Variants in MEI4 observed in about 807,000 individuals in gnomAD.
MEI4 encodes meiotic double-stranded break formation protein 4.
Under a neutral mutation model 31.4 loss-of-function variants are expected in MEI4, and 27 were observed. That is an observed-to-expected ratio of 0.86 (90% CI 0.63 to 1.19). MEI4 has a LOEUF of 1.19. Ranked by LOEUF, MEI4 falls within the 50% of genes most tolerant of loss-of-function variation. The pLI, the probability that MEI4 is intolerant of heterozygous loss-of-function variation, is 0.00. For missense variants in MEI4, 329 were observed against 398.9 expected (o/e 0.82, Z 1.49); for synonymous variants, 122 against 145.4 (o/e 0.84, Z 1.16).
intron 4 of MEI4, among the ~76,000 whole-genome samples, chr6:77,852,469 G>A (rs926540989): frequency 1.3e-5 from 2 of 152,038 alleles, no homozygotes; most frequent in Non-Finnish European, 2.9e-5. Context: ...TTTCCCATGT[G>A]TCTTATTCTA....
intron 3 of MEI4, among the ~76,000 whole-genome samples, chr6:77,800,429 A>T (rs1408956978): frequency 3.3e-5 from 5 of 152,162 alleles, no homozygotes; most frequent in Non-Finnish European, 7.4e-5. Context: ...TATACAATCA[A>T]GTCATCTGCA....
At chr6:77,842,375 A>G (rs922748306) in intron 4 of MEI4, among the ~76,000 whole-genome samples, 2 of 152,160 alleles carry the variant, frequency 1.3e-5, no homozygotes, top group African/African-American at 4.8e-5. Context: ...GTATGACATG[A>G]TAATTTATGA....
At chr6:77,886,495 A>G (rs145684918) in intron 4 of MEI4, among the ~76,000 whole-genome samples, 47 of 151,896 alleles carry the variant, frequency 3.1e-4, no homozygotes, top group African/African-American at 1.1e-3. Flanking sequence ...CAGTGGTGCA[A>G]GCTCAGCTTA....
At chr6:77,659,187 G>A (rs879222823) in intron 1 of MEI4, among the ~76,000 whole-genome samples, 1 of 152,134 alleles carries the variant, frequency 6.6e-6, no homozygotes, top group East Asian at 1.9e-4. Flanking sequence ...GTCCTAAACC[G>A]ACCATCAAGG....
chr6:77,734,774 G>T lies in MEI4; in HGVS notation c.233-26356G>T, dbSNP rs564696766. 4.6e-4 allele frequency among the ~76,000 whole-genome samples: 70 copies of T among 152,006 alleles called. 1 individual carries two copies. Among genetic ancestry groups the T allele is most frequent in the African/African-American group, 1.5e-3 (61 of 41,372 alleles). On this transcript the variant is annotated intron_variant, in intron 2 of 4. Coordinates refer to ENST00000684080, the MANE Select transcript of MEI4 (RefSeq NM_001322247.2). ...GCATGATTTTGCAGTGGCTGTTACT[G>T]GTTGTTCCTTTCCGTGTTTAGCGCT...
At chr6:77,728,972 A>G (rs993676081) in intron 2 of MEI4, among the ~76,000 whole-genome samples, 1 of 152,210 alleles carries the variant, frequency 6.6e-6, no homozygotes, top group Non-Finnish European at 1.5e-5. Context: ...GGAGGTGATA[A>G]TGGTTTAGCA....
At chr6:77,696,625 A>G (rs1394845282) in intron 2 of MEI4, among the ~76,000 whole-genome samples, 5 of 151,532 alleles carry the variant, frequency 3.3e-5, no homozygotes, top group African/African-American at 9.7e-5. Flanking sequence ...CCACTTGATC[A>G]TGGTGGATAA....
rs145149056 is a variant in MEI4 at position 77,916,061 on chromosome 6, A to G, written c.901-7028A>G. ...ACCTAGTTGATTGAAGCTTTCAAAT[A>G]TATTTTGTGTTTTATTCAATGAATT... is the stretch of plus-strand genomic sequence containing the variant. On this transcript the variant is annotated intron_variant, in intron 4 of 4. Coordinates refer to ENST00000684080, the MANE Select transcript of MEI4 (RefSeq NM_001322247.2). Among the ~76,000 whole-genome samples, 87 of 152,076 alleles carry G rather than the reference A, an allele frequency of 5.7e-4. No individual in the cohort carries two copies. In the East Asian group the frequency reaches 0.016, roughly 28 times the overall value.
chr6:77,752,291 A>G (rs892242364), intron 2 of MEI4, among the ~76,000 whole-genome samples: 1 of 152,198 alleles, frequency 6.6e-6, no homozygotes, highest in Non-Finnish European at 1.5e-5. Context: ...GGAGAAAGAA[A>G]TAAAGGGTAT....
intron 2 of MEI4, among the ~76,000 whole-genome samples, chr6:77,749,056 A>C (rs1767694672): frequency 6.6e-6 from 1 of 152,188 alleles, no homozygotes; most frequent in Non-Finnish European, 1.5e-5. Flanking sequence ...ACTAACAAAC[A>C]GAAAGGAATA....
At chr6:77,733,464 G>C (rs58869935) in intron 2 of MEI4, among the ~76,000 whole-genome samples, 1 of 151,830 alleles carries the variant, frequency 6.6e-6, no homozygotes, top group African/African-American at 2.4e-5. Flanking sequence ...CTGTGTGATC[G>C]GTGGTGGTAT....
chr6:77,866,009 G>A (rs1771016019), intron 4 of MEI4, among the ~76,000 whole-genome samples: 1 of 152,060 alleles, frequency 6.6e-6, no homozygotes, highest in Non-Finnish European at 1.5e-5. Context: ...TGCAGAAAAG[G>A]CCTTTGACAA....
chr6:77,884,889 G>A (rs1218190394), intron 4 of MEI4, among the ~76,000 whole-genome samples: 1 of 152,080 alleles, frequency 6.6e-6, no homozygotes, highest in Non-Finnish European at 1.5e-5. Flanking sequence ...TTTCTTTGGA[G>A]AGTGTCTTTG....
chr6:77,658,498 GTGT>G (rs1768440795), intron 1 of MEI4, among the ~76,000 whole-genome samples: 1 of 152,074 alleles, frequency 6.6e-6, no homozygotes, highest in African/African-American at 2.4e-5. Flanking sequence ...AAACAAAATA[GTGT>G]TGAAGTGTTG....
chr6:77,655,677 A>G (rs964987259), intron 1 of MEI4, among the ~76,000 whole-genome samples: 2 of 152,184 alleles, frequency 1.3e-5, no homozygotes, highest in African/African-American at 4.8e-5. Context: ...TAAAATAACG[A>G]AAGTACAGGA....
At chr6:77,878,245 C>A (rs1026896554) in intron 4 of MEI4, among the ~76,000 whole-genome samples, 4 of 151,888 alleles carry the variant, frequency 2.6e-5, no homozygotes, top group African/African-American at 9.7e-5. Flanking sequence ...GATATTAAGG[C>A]CTCACTACTT....
intron 4 of MEI4, among the ~76,000 whole-genome samples, chr6:77,879,510 C>A (rs1771427448): frequency 6.6e-6 from 1 of 152,118 alleles, no homozygotes. Flanking sequence ...ATGCAAAATA[C>A]TGAATTTAGA....
In MEI4 at chr6:77,925,515, G is replaced by T. The variant is rs1017814671; in HGVS notation, c.*2169G>T. 6.6e-6 allele frequency: 1 copy of T among 151,632 alleles called. No homozygotes were observed. The highest frequency in any genetic ancestry group is 1.5e-5 in the Non-Finnish European group (1 of 67,840). The allele number at this position is 151,632 out of a possible 1,614,324, so 9.4% of individuals were successfully genotyped here. On this transcript the variant is annotated 3_prime_UTR_variant, in exon 5 of 5. Transcript: ENST00000684080. ...TGTTTCAGTAAAGCAGTGAATTAAT[G>T]AATGATTTAAACTGGTATTACAATG... is the stretch of plus-strand genomic sequence containing the variant.
intron 1 of MEI4, among the ~76,000 whole-genome samples, chr6:77,678,259 C>A (rs574355323): frequency 6.7e-4 from 102 of 152,208 alleles, no homozygotes; most frequent in Non-Finnish European, 1.2e-3. Flanking sequence ...CCTTCTGCTG[C>A]TATTCGGCCT....
Sources: allele counts gnomAD v4.1 joint callset (sites outside exome capture counted in the v4.1 genomes callset), GRCh38; gene constraint gnomAD v4.1.1; transcripts MANE v1.5; gene names NCBI Gene and HGNC (gene_info 2026-07-23, HGNC 2026-07-21).